The following PCDHGB5 variants were observed in gnomAD, a reference collection of about 807,000 sequenced individuals.
The protein encoded by PCDHGB5 is protocadherin gamma subfamily B, 5, also known as protocadherin gamma-B5.
In PCDHGB5, 48 loss-of-function variants were observed where a neutral mutation model predicts 62.9. The ratio of observed to expected loss-of-function variants is 0.76; its 90% CI spans 0.61 to 0.97. PCDHGB5 has a LOEUF of 0.97. PCDHGB5 is among the 50% of genes least tolerant of loss of function. The pLI is 0.00. For missense variants in PCDHGB5, 1,118 were observed against 1,198.6 expected (o/e 0.93, Z 0.99); for synonymous variants, 474 against 511.2 (o/e 0.93, Z 0.98).
intron 3 of PCDHGB5, among the ~76,000 whole-genome samples, chr5:141,506,298 A>C (rs887906455): frequency 6.6e-6 from 1 of 151,936 alleles, no homozygotes; most frequent in Non-Finnish European, 1.5e-5. Context: ...AAAATACAAA[A>C]ATTAGCTGGG....
chr5:141,462,818 C>T (rs1280335120), intron 1 of PCDHGB5, among the ~76,000 whole-genome samples: 1 of 152,120 alleles, frequency 6.6e-6, no homozygotes, highest in East Asian at 1.9e-4. Flanking sequence ...TTTTATTGGA[C>T]AGCAGACATT....
chr5:141,495,034 A>C (rs986393420), intron 2 of PCDHGB5, 169 bp downstream of exon 2: 1 of 962,702 alleles, frequency 1.0e-6, no homozygotes, highest in Non-Finnish European at 1.2e-6. Context: ...CCCCGGAAGG[A>C]AGAGGCGACT....
At position 141,491,150 on chromosome 5, in the gene PCDHGB5, A is replaced by G; in HGVS notation, c.2398-3657A>G. On this transcript the variant is annotated intron_variant, in intron 1 of 3. Coordinates refer to ENST00000617380, the MANE Select transcript of PCDHGB5 (RefSeq NM_018925.3). This position sits in a 1 kb window ranked among gnomAD's most constrained non-coding sequence, Gnocchi z 6.9. ...CGCACAGCCCGGGCCTTACTGGAGG[A>G]TGACTCTGACACCCAGCAGGTGGTG... is the stretch of plus-strand genomic sequence containing the variant. 1 of 1,614,122 alleles carries G rather than the reference A, an allele frequency of 6.2e-7. No individual in the cohort carries two copies. Among genetic ancestry groups the G allele is most frequent in the African/African-American group, 1.3e-5 (1 of 75,060 alleles).
intron 1 of PCDHGB5, among the ~76,000 whole-genome samples, chr5:141,425,497 CT>C (rs2096879671): frequency 6.6e-6 from 1 of 152,164 alleles, no homozygotes; most frequent in African/African-American, 2.4e-5. Context: ...TAGGCTATAC[CT>C]TTATATTCTC....
In PCDHGB5 at chr5:141,486,341, C is replaced by T; in HGVS notation, c.2398-8466C>T. On this transcript the variant is annotated intron_variant, in intron 1 of 3. Coordinates refer to ENST00000617380, the MANE Select transcript of PCDHGB5 (RefSeq NM_018925.3). The surrounding 1 kb of genome is among the most constrained non-coding windows in gnomAD (Gnocchi z 5.0). ...AAACGGAGATGTGAGCCTCCGCATTCCTGACCACTTGCCATTTGCCCTCAA... is the reference window on the plus strand; with the variant it reads ...AAACGGAGATGTGAGCCTCCGCATTTCTGACCACTTGCCATTTGCCCTCAA... The T allele has an allele frequency of 6.2e-7, 1 of 1,614,128 alleles. No individual in the cohort carries two copies. Among genetic ancestry groups the T allele is most frequent in the Non-Finnish European group, 8.5e-7 (1 of 1,179,992 alleles).
Position 141,485,263 on chromosome 5 carries a change from G to A in PCDHGB5, c.2398-9544G>A. 1 of 1,614,162 alleles carries A rather than the reference G, an allele frequency of 6.2e-7. No individual in the cohort carries two copies. On this transcript the variant is annotated intron_variant, in intron 1 of 3. Transcript: ENST00000617380. This position sits in a 1 kb window ranked among gnomAD's most constrained non-coding sequence, Gnocchi z 5.7. ...ACCACCTGGGTTACGTTTGTGGGCA[G>A]ATCCGCTACCCGGTCCCAGAGGAGT...
At chr5:141,474,772 G>T (rs1053853138) in intron 1 of PCDHGB5, among the ~76,000 whole-genome samples, 1 of 152,182 alleles carries the variant, frequency 6.6e-6, no homozygotes, top group Non-Finnish European at 1.5e-5. Context: ...AATAGTATGA[G>T]GCTCTAACAC....
intron 1 of PCDHGB5, among the ~76,000 whole-genome samples, chr5:141,455,650 C>T (rs1176718096): frequency 2.6e-5 from 4 of 151,994 alleles, no homozygotes; most frequent in African/African-American, 9.7e-5. Flanking sequence ...AGCCATGTGG[C>T]CAGGAACTTG....
chr5:141,418,998 G>A (rs757681244), intron 1 of PCDHGB5: 4 of 1,613,940 alleles, frequency 2.5e-6, no homozygotes, highest in South Asian at 2.2e-5. Context: ...GGGGAAAATG[G>A]GGAAGTCAGG....
chr5:141,441,018 TG>T (rs1482478700), intron 1 of PCDHGB5: 1 of 152,164 alleles, frequency 6.6e-6, no homozygotes, highest in Non-Finnish European at 1.5e-5. Context: ...GATCAAATAG[TG>T]GAGAAATGAA....
Position 141,432,442 on chromosome 5 carries a change from G to A in PCDHGB5, c.2397+31918G>A. 1 of 1,614,228 alleles carries A rather than the reference G, an allele frequency of 6.2e-7. No individual in the cohort carries two copies. Among genetic ancestry groups the A allele is most frequent in the Non-Finnish European group, 8.5e-7 (1 of 1,180,042 alleles). On this transcript the variant is annotated intron_variant, in intron 1 of 3. Transcript: ENST00000617380. The surrounding 1 kb of genome is among the most constrained non-coding windows in gnomAD (Gnocchi z 6.0). ...TGGACCAGAACGACAATGCGCCCGA[G>A]ATCCTGTACCCCGCCCTCCCCACGG...
rs911954966 is a variant in PCDHGB5, at chr5:141,491,081, C to G, written c.2398-3726C>G. On this transcript the variant is annotated intron_variant, in intron 1 of 3. Coordinates refer to ENST00000617380, the MANE Select transcript of PCDHGB5 (RefSeq NM_018925.3). This position sits in a 1 kb window ranked among gnomAD's most constrained non-coding sequence, Gnocchi z 6.9. ...TCCTACTCACTGTTGCCACAGTCCACAGCCCCAGGACTGTTCCTCGTGTCT... is the reference window on the plus strand; with the variant it reads ...TCCTACTCACTGTTGCCACAGTCCAGAGCCCCAGGACTGTTCCTCGTGTCT... The G allele has an allele frequency of 4.3e-6, 7 of 1,614,176 alleles. No individual in the cohort carries two copies. Among genetic ancestry groups the G allele is most frequent in the Non-Finnish European group, 5.9e-6 (7 of 1,180,010 alleles).
In PCDHGB5 at chr5:141,491,665, C is replaced by A; in HGVS notation, c.2398-3142C>A. 1 of 1,613,764 alleles carries A rather than the reference C, an allele frequency of 6.2e-7. No individual in the cohort carries two copies. Among genetic ancestry groups the A allele is most frequent in the Admixed American group, 1.7e-5 (1 of 60,034 alleles). On this transcript the variant is annotated intron_variant, in intron 1 of 3. Coordinates refer to ENST00000617380, the MANE Select transcript of PCDHGB5 (RefSeq NM_018925.3). The surrounding 1 kb of genome is among the most constrained non-coding windows in gnomAD (Gnocchi z 6.9). ...TCTGGCGCTGGAGCCTGACGCCATCCGGTCCCGCTCTAATACGCTGCGGGA... is the reference window on the plus strand; with the variant it reads ...TCTGGCGCTGGAGCCTGACGCCATCAGGTCCCGCTCTAATACGCTGCGGGA...
At chr5:141,470,242 T>C (rs1301513342) in intron 1 of PCDHGB5, among the ~76,000 whole-genome samples, 1 of 152,344 alleles carries the variant, frequency 6.6e-6, no homozygotes, top group South Asian at 2.1e-4. Flanking sequence ...CCCTTGAATG[T>C]CCCACCTGTC....
At position 141,400,083 on chromosome 5, in the gene PCDHGB5, C is replaced by T. The variant is rs1396687812; in HGVS notation, c.1956C>T (p.Ala652=). 1 of 1,614,048 alleles carries T rather than the reference C, an allele frequency of 6.2e-7. No individual in the cohort carries two copies. The highest frequency in any genetic ancestry group is 8.5e-7 in the Non-Finnish European group (1 of 1,179,894). ...VRDGGQPPLS[A]TATLHLVFAD... ...ATGGTGGACAGCCGCCACTCTCCGC[C>T]ACCGCCACGCTGCACTTGGTCTTTG... The change falls in exon 1 of 4, where the codon GCC becomes GCT. Residue 652 remains alanine, a synonymous_variant. Coordinates refer to ENST00000617380, the MANE Select transcript of PCDHGB5 (RefSeq NM_018925.3).
intron 2 of PCDHGB5, among the ~76,000 whole-genome samples, chr5:141,503,010 A>ATT (rs199924715): frequency 4.8e-5 from 7 of 146,772 alleles, no homozygotes; most frequent in East Asian, 2.0e-4. Context: ...TGCCCGGTTA[A>ATT]TTTTTTTTTT....
intron 1 of PCDHGB5, among the ~76,000 whole-genome samples, chr5:141,447,895 G>A (rs931589569): frequency 1.3e-5 from 2 of 152,068 alleles, no homozygotes; most frequent in Non-Finnish European, 2.9e-5. Context: ...AGACCAGCCT[G>A]GCCAACATGG....
chr5:141,487,810 C>G lies in PCDHGB5; in HGVS notation c.2398-6997C>G, dbSNP rs377060474. ...ATTAACCAGAGTTGTCACAGTTTAGCATTGGGGGCGGGTCATGCCTATATC... is the reference window on the plus strand; with the variant it reads ...ATTAACCAGAGTTGTCACAGTTTAGGATTGGGGGCGGGTCATGCCTATATC... On this transcript the variant is annotated intron_variant, in intron 1 of 3. Coordinates refer to ENST00000617380, the MANE Select transcript of PCDHGB5 (RefSeq NM_018925.3). The surrounding 1 kb of genome is among the most constrained non-coding windows in gnomAD (Gnocchi z 5.0). 7.1e-7 allele frequency: 1 copy of G among 1,417,854 alleles called. No homozygotes were observed. The highest frequency in any genetic ancestry group is 2.1e-5 in the Admixed American group (1 of 47,076). The allele number at this position is 1,417,854 out of a possible 1,614,324, so 87.8% of individuals were successfully genotyped here.
chr5:141,399,349 C>G lies in PCDHGB5; in HGVS notation c.1222C>G (p.Arg408Gly). Residue 408 changes from arginine (R) to glycine (G), a missense_variant, in exon 1 of 4, where the codon CGA becomes GGA. This residue lies in a region of PCDHGB5 where 1,034 missense variants were observed against 1,029.1 expected (regional missense o/e 1.00). Transcript: ENST00000617380. ...YKLVTDGTLD[R>G]EQTPEYNVTI... The stretch of plus-strand genomic sequence containing the variant: ...GTTGGTAACAGATGGAACCCTAGAC[C>G]GAGAGCAAACCCCGGAGTACAATGT... 6.2e-7 allele frequency: 1 copy of G among 1,613,932 alleles called. No homozygotes were observed. The highest frequency in any genetic ancestry group is 8.5e-7 in the Non-Finnish European group (1 of 1,179,902).
Sources: gnomAD v4.1 joint callset for allele counts (sites outside exome capture counted in the v4.1 genomes callset) on GRCh38, gnomAD v4.1.1 for gene constraint, gnomAD v4.1.1 regional missense constraint, Gnocchi (gnomAD v3.1) non-coding constraint, MANE v1.5 for transcripts, NCBI Gene and HGNC (gene_info 2026-07-23, HGNC 2026-07-21) for gene names.